The following GRID2 variants were observed in gnomAD, a reference collection of about 807,000 sequenced individuals.
GRID2 encodes the protein glutamate receptor ionotropic, delta-2.
Under a neutral mutation model 114.8 loss-of-function variants are expected in GRID2, and 33 were observed. The observed-to-expected ratio is 0.29, with a 90% CI of 0.22 to 0.38. The LOEUF (loss-of-function observed/expected upper bound fraction) is 0.38, where lower values mean the gene tolerates loss of function less well. GRID2 is among the 10% of genes least tolerant of loss of function. The pLI is 1.00. For synonymous variants in GRID2, 505 were observed against 449.9 expected (o/e 1.12, Z -1.55); for missense variants, 1,184 against 1,257.7 (o/e 0.94, Z 0.89).
rs1015223280 is a variant in GRID2 at position 93,313,136 on chromosome 4, C to T, written c.1245+74646C>T. ...TACCACTTTTTTTTTTCACATAAGG[C>T]TGTTTGGAAACAGGCAAATAGGAAA... On this transcript the variant is annotated intron_variant, in intron 8 of 15. Coordinates refer to ENST00000282020, the MANE Select transcript of GRID2 (RefSeq NM_001510.4). Among the ~76,000 whole-genome samples the T allele has an allele frequency of 2.6e-5, 4 of 151,482 alleles. No individual in the cohort carries two copies. In the East Asian group the frequency reaches 7.7e-4, roughly 29 times the overall value.
At chr4:92,399,054 T>A (rs1324012440) in intron 1 of GRID2, among the ~76,000 whole-genome samples, 1 of 152,196 alleles carries the variant, frequency 6.6e-6, no homozygotes, top group Non-Finnish European at 1.5e-5. Flanking sequence ...GAGACCAAAT[T>A]ACTCATCCAG....
intron 4 of GRID2, among the ~76,000 whole-genome samples, chr4:93,161,289 GC>G (rs1172868831): frequency 1.3e-5 from 2 of 151,842 alleles, no homozygotes; most frequent in African/African-American, 4.8e-5. Context: ...TAGAAGTATG[GC>G]TTTGCCTTTA....
intron 2 of GRID2, among the ~76,000 whole-genome samples, chr4:92,753,171 T>A (rs1270619521): frequency 1.3e-5 from 2 of 152,164 alleles, no homozygotes; most frequent in Non-Finnish European, 2.9e-5. Context: ...TTGAAACCAA[T>A]AAATATCACC....
At chr4:92,894,305 A>T (rs1407660031) in intron 2 of GRID2, among the ~76,000 whole-genome samples, 2 of 151,912 alleles carry the variant, frequency 1.3e-5, no homozygotes, top group Non-Finnish European at 2.9e-5. Context: ...TTTGCTTATT[A>T]TTTTTCAGTG....
At chr4:92,970,668 CTG>C (rs964366123) in intron 2 of GRID2, among the ~76,000 whole-genome samples, 46 of 151,870 alleles carry the variant, frequency 3.0e-4, no homozygotes, top group African/African-American at 1.0e-3. Flanking sequence ...TAGTGAGAAA[CTG>C]TGTTTTAGAA....
chr4:93,538,246 G>A (rs1042989181), intron 13 of GRID2, among the ~76,000 whole-genome samples: 5 of 151,558 alleles, frequency 3.3e-5, no homozygotes, highest in Non-Finnish European at 5.9e-5. Flanking sequence ...AATAACAAAA[G>A]GAGCAAGTAG....
intron 1 of GRID2, among the ~76,000 whole-genome samples, chr4:92,395,748 A>G (rs1045277096): frequency 2.6e-5 from 4 of 151,820 alleles, no homozygotes; most frequent in Non-Finnish European, 3.0e-5. Flanking sequence ...TTTTAAATAT[A>G]TTCTTTCCAT....
intron 13 of GRID2, among the ~76,000 whole-genome samples, chr4:93,517,110 TCA>T (rs1369545906): frequency 1.3e-5 from 2 of 151,992 alleles, no homozygotes; most frequent in African/African-American, 4.8e-5. Context: ...GAATTCTACC[TCA>T]CACAGTTTTT....
At chr4:93,389,789 T>C (rs1333387092) in intron 8 of GRID2, among the ~76,000 whole-genome samples, 3 of 151,406 alleles carry the variant, frequency 2.0e-5, no homozygotes, top group Non-Finnish European at 3.0e-5. Context: ...AGTTTTTTTT[T>C]TTCTTTTTTT....
chr4:93,650,186 G>A (rs1055934111), intron 14 of GRID2, among the ~76,000 whole-genome samples: 1 of 152,014 alleles, frequency 6.6e-6, no homozygotes, highest in East Asian at 1.9e-4. Context: ...AACTTCCAAT[G>A]CCTTTCCATA....
chr4:92,811,228 G>T (rs1457501117), intron 2 of GRID2, among the ~76,000 whole-genome samples: 5 of 152,032 alleles, frequency 3.3e-5, no homozygotes, highest in African/African-American at 1.2e-4. Context: ...AACTAAAAAT[G>T]TAGTTTTATA....
intron 8 of GRID2, among the ~76,000 whole-genome samples, chr4:93,314,084 C>T (rs1756312056): frequency 6.6e-6 from 1 of 152,042 alleles, no homozygotes; most frequent in Non-Finnish European, 1.5e-5. Flanking sequence ...GCGGGCGGAT[C>T]ACCTGAGGTC....
At position 92,863,629 on chromosome 4, in the gene GRID2, G is replaced by A. The variant is rs191469574; in HGVS notation, c.245-221366G>A. Among the ~76,000 whole-genome samples, 56 of 152,174 alleles carry A rather than the reference G, an allele frequency of 3.7e-4. No individual in the cohort carries two copies. The East Asian group carries it at 4.1e-3, about 11-fold the overall frequency. Reference sequence around the variant, plus strand: ...AGCTTTCTCTATGTAGTATTAGTGTGTATCTTCACTTTCATCATTTTTACT... The same window carrying A: ...AGCTTTCTCTATGTAGTATTAGTGTATATCTTCACTTTCATCATTTTTACT... On this transcript the variant is annotated intron_variant, in intron 2 of 15. Coordinates refer to ENST00000282020, the MANE Select transcript of GRID2 (RefSeq NM_001510.4).
At chr4:93,107,039 C>T (rs1397692440) in intron 3 of GRID2, among the ~76,000 whole-genome samples, 2 of 152,054 alleles carry the variant, frequency 1.3e-5, no homozygotes, top group Non-Finnish European at 2.9e-5. Flanking sequence ...GTGGCTTATG[C>T]CTGTAATCCA....
chr4:92,950,129 A>G (rs1159584654), intron 2 of GRID2, among the ~76,000 whole-genome samples: 1 of 152,170 alleles, frequency 6.6e-6, no homozygotes, highest in Non-Finnish European at 1.5e-5. Flanking sequence ...CGTTTGGGGA[A>G]CTAATCATTT....
intron 13 of GRID2, among the ~76,000 whole-genome samples, chr4:93,540,996 A>G (rs1732596204): frequency 6.6e-6 from 1 of 152,170 alleles, no homozygotes; most frequent in South Asian, 2.1e-4. Flanking sequence ...TTGAGAGACT[A>G]TAAATATGCT....
At chr4:93,748,819 CTT>C (rs879631377) in intron 14 of GRID2, among the ~76,000 whole-genome samples, 1 of 145,250 alleles carries the variant, frequency 6.9e-6, no homozygotes, top group Non-Finnish European at 1.5e-5. Context: ...ACTTTTCTTG[CTT>C]TTTTTTTTTA....
At chr4:92,600,633 C>T (rs542886053) in intron 2 of GRID2, among the ~76,000 whole-genome samples, 1 of 152,142 alleles carries the variant, frequency 6.6e-6, no homozygotes, top group African/African-American at 2.4e-5. Flanking sequence ...AGTCAGGCCC[C>T]TCTTCTGTAG....
At position 92,592,065 on chromosome 4, in the gene GRID2, A is replaced by G. The variant is rs182673860; in HGVS notation, c.244+1779A>G. ...AGTATAAATTAATATTAGAAATAAT[A>G]GAAGGATCTGGAAAATCATAACATA... On this transcript the variant is annotated intron_variant, in intron 2 of 15. Coordinates refer to ENST00000282020, the MANE Select transcript of GRID2 (RefSeq NM_001510.4). Among the ~76,000 whole-genome samples the G allele has an allele frequency of 3.3e-5, 5 of 152,136 alleles. No homozygotes were observed. In the East Asian group the frequency reaches 9.6e-4, roughly 29 times the overall value.
Sources: allele counts gnomAD v4.1 joint callset (sites outside exome capture counted in the v4.1 genomes callset), GRCh38; gene constraint gnomAD v4.1.1; transcripts MANE v1.5; gene names NCBI Gene and HGNC (gene_info 2026-07-23, HGNC 2026-07-21).